Variants in STAT2 observed in about 807,000 individuals in gnomAD.
STAT2 encodes interferon alpha induced transcriptional activator.
STAT2 carries 51 observed loss-of-function variants against 122.3 expected under a neutral mutation model. The observed-to-expected ratio is 0.42, with a 90% CI of 0.33 to 0.53. The LOEUF (loss-of-function observed/expected upper bound fraction) is 0.53. Among genes scored for constraint, STAT2 ranks in the 20% least tolerant of loss-of-function variants. STAT2 has a pLI of 0.10. For synonymous variants in STAT2, 351 were observed against 394.9 expected (o/e 0.89, Z 1.32); for missense variants, 736 against 1,010.3 (o/e 0.73, Z 3.68).
rs377261512 is a variant in STAT2 at position 56,350,906 on chromosome 12, G to A, written c.1035-18C>T. 5 of 1,613,976 alleles carry A rather than the reference G, an allele frequency of 3.1e-6. No individual in the cohort carries two copies. The highest frequency in any genetic ancestry group is 4.2e-6 in the Non-Finnish European group (5 of 1,179,998). Reference sequence around the variant, plus strand: ...CCAGCAGCCTGGGGGAAGGAAGGGGGATAGGGGAAAGTGGTCAACCTCAAC... The same window carrying A: ...CCAGCAGCCTGGGGGAAGGAAGGGGAATAGGGGAAAGTGGTCAACCTCAAC... On this transcript the variant is annotated intron_variant, in intron 10 of 23. Coordinates refer to ENST00000314128, the MANE Select transcript of STAT2 (RefSeq NM_005419.4).
At chr12:56,356,707 T>A (rs1045521251) in intron 1 of STAT2, 129 bp from the exon 2 acceptor site, 2 of 1,297,504 alleles carry the variant, frequency 1.5e-6, no homozygotes, top group African/African-American at 3.0e-5. Context: ...ACAGAAAACA[T>A]TAAAATATAT....
rs1879410797 is a variant in STAT2 at position 56,355,755 on chromosome 12, G to A, written c.334C>T (p.Leu112Phe). Residue 112 changes from leucine to phenylalanine, a missense_variant, in exon 4 of 24, where the codon CTT becomes TTT. Coordinates refer to ENST00000314128, the MANE Select transcript of STAT2 (RefSeq NM_005419.4). ...ATCAAAATTCTTTTTTCTTCCAGAA[G>A]GAGGTTAAAGATCATCTCAGCCAAC... Reference protein sequence around the residue: ...TQLAEMIFNLLLEEKRILIQA... With the variant: ...TQLAEMIFNLFLEEKRILIQA... 1.2e-6 allele frequency: 2 copies of A among 1,614,038 alleles called. No individual in the cohort carries two copies. The highest frequency in any genetic ancestry group is 1.1e-5 in the South Asian group (1 of 91,088).
At chr12:56,346,988 C>A (rs1877577818) in intron 19 of STAT2, 33 bp from the exon 20 acceptor site, 1 of 1,608,316 alleles carries the variant, frequency 6.2e-7, no homozygotes, top group Non-Finnish European at 8.5e-7. Flanking sequence ...GAGACACCGC[C>A]CAACACCCTG....
chr12:56,343,625 G>T, intron 23 of STAT2, 94 bp from the exon 24 acceptor site: 2 of 1,545,974 alleles, frequency 1.3e-6, no homozygotes, highest in Non-Finnish European at 8.7e-7. Flanking sequence ...GAAAGGCCTG[G>T]GAAGAGCCTG....
intron 3 of STAT2, 146 bp from the exon 4 acceptor site, chr12:56,355,949 C>T (rs1879444438): frequency 2.9e-5 from 35 of 1,194,026 alleles, no homozygotes; most frequent in Non-Finnish European, 4.8e-6. Context: ...ATCCTCCCAA[C>T]AGTGTCACGT....
chr12:56,353,549 A>G (rs1225667659), intron 8 of STAT2, among the ~76,000 whole-genome samples: 3 of 152,230 alleles, frequency 2.0e-5, no homozygotes, highest in Admixed American at 2.0e-4. Context: ...ACAACACAAT[A>G]TAATTACCAT....
In STAT2 at chr12:56,348,589, G is replaced by A; in HGVS notation, c.1664C>T (p.Thr555Ile). 1 of 1,614,148 alleles carries A rather than the reference G, an allele frequency of 6.2e-7. No individual in the cohort carries two copies. ...ESPPGKLPFW[T>I]WLDKILELVH... is the part of the protein sequence containing the mutation. ...CAACTCCAGAATTTTGTCCAGCCATGTCCAGAATGGTAACTTGCCAGGAGG... is the reference window on the plus strand; with the variant it reads ...CAACTCCAGAATTTTGTCCAGCCATATCCAGAATGGTAACTTGCCAGGAGG... Residue 555 changes from threonine (T) to isoleucine (I), a missense_variant, in exon 19 of 24, where the codon ACA (threonine) becomes ATA (isoleucine). Physicochemically the swap from Thr to Ile is moderately conservative, Grantham distance 89. Coordinates refer to ENST00000314128, the MANE Select transcript of STAT2 (RefSeq NM_005419.4).
Position 56,348,982 on chromosome 12 carries a change from G to A in STAT2, c.1518C>T (p.Ser506=). 1 of 1,613,990 alleles carries A rather than the reference G, an allele frequency of 6.2e-7. No homozygotes were observed. Among genetic ancestry groups the A allele is most frequent in the Non-Finnish European group, 8.5e-7 (1 of 1,179,964 alleles). ...CTGAGTTGAGGCCTCGGCCAACATA[G>A]GAGGAGAACTGCCAACTGAGAGCAG... is the stretch of plus-strand genomic sequence containing the variant. ...LGPALSWQFS[S]YVGRGLNSDQ... The change falls in exon 17 of 24, where the codon TCC becomes TCT. Residue 506 remains serine, a synonymous_variant. Transcript: ENST00000314128.
At position 56,344,026 on chromosome 12, in the gene STAT2, C is replaced by T. The variant is rs1337148683; in HGVS notation, c.2212G>A (p.Glu738Lys). Residue 738 changes from glutamate to lysine, a missense_variant, in exon 23 of 24, where the codon GAG becomes AAG. By Grantham distance (56) the Glu-to-Lys change is moderately conservative. Transcript: ENST00000314128. ...TCCAGCCCTGCCTTCAGCAGTGGCT[C>T]TAAGTCCAGGCTGAGCTCTGGCTCT... ...VPEPELSLDLEPLLKAGLDLG... is the reference protein window; with the variant it reads ...VPEPELSLDLKPLLKAGLDLG... 6.2e-7 allele frequency: 1 copy of T among 1,613,436 alleles called. No individual in the cohort carries two copies. Among genetic ancestry groups the T allele is most frequent in the Non-Finnish European group, 8.5e-7 (1 of 1,179,554 alleles).
At chr12:56,345,767 G>A (rs1877353592) in intron 22 of STAT2, among the ~76,000 whole-genome samples, 2 of 150,334 alleles carry the variant, frequency 1.3e-5, no homozygotes, top group South Asian at 2.1e-4. Flanking sequence ...CAGCCTGGGC[G>A]ACAGAACAAA....
intron 16 of STAT2, 35 bp from the exon 17 acceptor site, chr12:56,349,094 A>G: frequency 6.2e-7 from 1 of 1,613,682 alleles, no homozygotes; most frequent in South Asian, 1.1e-5. Context: ...CTGGCTCAGA[A>G]GCAACCTATC....
In STAT2 at chr12:56,346,126, A is replaced by G. The variant is rs760712265; in HGVS notation, c.2102+20T>C. The G allele has an allele frequency of 6.2e-7, 1 of 1,614,148 alleles. No homozygotes were observed. Among genetic ancestry groups the G allele is most frequent in the Non-Finnish European group, 8.5e-7 (1 of 1,180,024 alleles). ...AGCCAAAAAGGATTAGGGAGGATGA[A>G]TGAAGAGTTCATATCTCACCTATTA... On this transcript the variant is annotated intron_variant, in intron 22 of 23. Transcript: ENST00000314128.
At chr12:56,348,404 T>C (rs1178690552) in intron 19 of STAT2, 125 bp downstream of exon 19, 5 of 944,966 alleles carry the variant, frequency 5.3e-6, no homozygotes, top group Non-Finnish European at 6.6e-6. Flanking sequence ...TGTTAACAAA[T>C]GTGAGGAGAC....
At chr12:56,348,094 T>G (rs1248949074) in intron 19 of STAT2, among the ~76,000 whole-genome samples, 2 of 149,602 alleles carry the variant, frequency 1.3e-5, no homozygotes, top group African/African-American at 2.4e-5. Flanking sequence ...GTTGTTTTTT[T>G]TTTTTTTTTT....
At chr12:56,354,647 T>C (rs756171062) in intron 7 of STAT2, 33 bp from the exon 8 acceptor site, 1 of 1,613,592 alleles carries the variant, frequency 6.2e-7, no homozygotes, top group Non-Finnish European at 8.5e-7. Context: ...GTTGAGCATC[T>C]CTCCCTTTCA....
chr12:56,351,112 G>T lies in STAT2; in HGVS notation c.1020C>A (p.Phe340Leu). The T allele has an allele frequency of 6.2e-7, 1 of 1,614,014 alleles. No homozygotes were observed. Among genetic ancestry groups the T allele is most frequent in the South Asian group, 1.1e-5 (1 of 91,046 alleles). ...GGAATGCCAACCTTGTTCGGACGGTGAACTTGCTGCCAGTCTTGAGGATGA... is the reference window on the plus strand; with the variant it reads ...GGAATGCCAACCTTGTTCGGACGGTTAACTTGCTGCCAGTCTTGAGGATGA... ...RPLILKTGSK[F>L]TVRTRLLVRL... The change falls in exon 10 of 24, where the codon TTC becomes TTA. Residue 340 changes from phenylalanine to leucine, a missense_variant. Physicochemically the swap from Phe to Leu is conservative, Grantham distance 22. Transcript: ENST00000314128.
chr12:56,350,510 G>T, intron 11 of STAT2, 78 bp from the exon 12 acceptor site: 1 of 1,404,620 alleles, frequency 7.1e-7, no homozygotes, highest in Non-Finnish European at 9.7e-7. Context: ...GGATCAGACA[G>T]ACCTCGGTTC....
chr12:56,351,270 G>C (rs768968829), intron 9 of STAT2, 22 bp downstream of exon 9: 64 of 1,612,704 alleles, frequency 4.0e-5, no homozygotes, highest in South Asian at 6.6e-5. Context: ...TTTCCCCCAG[G>C]GTTCCTGCCT....
chr12:56,347,674 G>A (rs1162592552), intron 19 of STAT2, among the ~76,000 whole-genome samples: 1 of 151,916 alleles, frequency 6.6e-6, no homozygotes, highest in African/African-American at 2.4e-5. Flanking sequence ...GCTAATTTTT[G>A]TATTTTTAAT....
Sources: allele counts gnomAD v4.1 joint callset (sites outside exome capture counted in the v4.1 genomes callset), GRCh38; gene constraint gnomAD v4.1.1; transcripts MANE v1.5; gene names NCBI Gene and HGNC (gene_info 2026-07-23, HGNC 2026-07-21).